USP13: variants seen among roughly 807,000 people sequenced by gnomAD.
The protein encoded by USP13 is ubiquitin specific peptidase 13.
Under a neutral mutation model 107.8 loss-of-function variants are expected in USP13, and 68 were observed. The ratio of observed to expected loss-of-function variants is 0.63; its 90% CI spans 0.52 to 0.77. The LOEUF (loss-of-function observed/expected upper bound fraction) is 0.77, where lower values mean the gene tolerates loss of function less well. USP13 is among the 30% of genes least tolerant of loss of function. The pLI is 0.00. For missense variants in USP13, 945 were observed against 1,093.3 expected (o/e 0.86, Z 1.91); for synonymous variants, 377 against 389.5 (o/e 0.97, Z 0.38).
rs74442431 is a variant in USP13 at position 179,767,426 on chromosome 3, TG to T, written c.2413+1580del. Among the ~76,000 whole-genome samples the T allele has an allele frequency of 1.3e-4, 19 of 148,762 alleles. 1 individual carries two copies. The highest frequency in any genetic ancestry group is 3.3e-4 in the Admixed American group (5 of 15,092). On this transcript the variant is annotated intron_variant, in intron 19 of 20. Coordinates refer to ENST00000263966, the MANE Select transcript of USP13 (RefSeq NM_003940.3). ...ACTGTAATGCATTGTTAGTTTTTTTTGGTTTTTTTTTTTTTTGAGACAGAGT... is the reference window on the plus strand; with the variant it reads ...ACTGTAATGCATTGTTAGTTTTTTTTGTTTTTTTTTTTTTTGAGACAGAGT...
chr3:179,781,320 A>G (rs1235891204), intron 19 of USP13, among the ~76,000 whole-genome samples: 1 of 152,154 alleles, frequency 6.6e-6, no homozygotes, highest in African/African-American at 2.4e-5. Flanking sequence ...AGTTTTATAC[A>G]ACCCTGCGAA....
At chr3:179,736,501 C>G (rs556802808) in intron 10 of USP13, among the ~76,000 whole-genome samples, 2 of 152,316 alleles carry the variant, frequency 1.3e-5, no homozygotes, top group South Asian at 2.1e-4. Context: ...CTAAGATGCT[C>G]TAACCCAGCT....
In USP13 at chr3:179,703,009, T is replaced by A. The variant is rs547567765; in HGVS notation, c.477+1880T>A. On this transcript the variant is annotated intron_variant, in intron 4 of 20. Transcript: ENST00000263966. Reference sequence around the variant, plus strand: ...AAAAAATTAATAAAAAAGCCTTTTCTTATTGTTGTACTTGGAGTATAATTT... The same window carrying A: ...AAAAAATTAATAAAAAAGCCTTTTCATATTGTTGTACTTGGAGTATAATTT... Among the ~76,000 whole-genome samples the A allele has an allele frequency of 5.9e-5, 9 of 152,340 alleles. 2 individuals carry two copies. The East Asian group carries it at 1.5e-3, about 26-fold the overall frequency.
chr3:179,662,514 G>A (rs180724934), intron 1 of USP13, among the ~76,000 whole-genome samples: 50 of 152,176 alleles, frequency 3.3e-4, no homozygotes, highest in Admixed American at 2.7e-3. Context: ...TTTACCTGCC[G>A]TCCAGCTTTC....
chr3:179,714,874 T>TC (rs1012937393), intron 6 of USP13, among the ~76,000 whole-genome samples: 3 of 150,158 alleles, frequency 2.0e-5, no homozygotes, highest in Non-Finnish European at 3.0e-5. Flanking sequence ...CTTTTTCTTT[T>TC]TTTTTTTTTT....
chr3:179,712,500 C>T (rs1407211874), intron 6 of USP13, among the ~76,000 whole-genome samples: 1 of 152,040 alleles, frequency 6.6e-6, no homozygotes, highest in African/African-American at 2.4e-5. Flanking sequence ...GCACACCCAC[C>T]TCACATTTTT....
chr3:179,662,404 T>A (rs1319035782), intron 1 of USP13, among the ~76,000 whole-genome samples: 1 of 151,992 alleles, frequency 6.6e-6, no homozygotes, highest in Admixed American at 6.6e-5. Context: ...AGTTCTGGAG[T>A]CTTTTGGGCA....
At chr3:179,679,808 T>G (rs749054582) in intron 1 of USP13, among the ~76,000 whole-genome samples, 7,653 of 148,090 alleles carry the variant, frequency 0.052, 253 homozygotes, top group South Asian at 0.076. Context: ...TTTTTTTTTT[T>G]TTTTTTTTTT....
chr3:179,689,899 C>T (rs965940837), intron 2 of USP13, among the ~76,000 whole-genome samples: 1 of 152,204 alleles, frequency 6.6e-6, no homozygotes, highest in Non-Finnish European at 1.5e-5. Flanking sequence ...GCCCCATCAT[C>T]TTTCCTGAGT....
intron 5 of USP13, among the ~76,000 whole-genome samples, chr3:179,707,354 A>T (rs1712760890): frequency 6.6e-6 from 1 of 152,074 alleles, no homozygotes; most frequent in South Asian, 2.1e-4. Context: ...GAAGCCAGTT[A>T]TGCCAGTGCA....
At chr3:179,775,446 A>G (rs1576994097) in intron 19 of USP13, among the ~76,000 whole-genome samples, 1 of 152,246 alleles carries the variant, frequency 6.6e-6, no homozygotes, top group South Asian at 2.1e-4. Flanking sequence ...CAGGAGCCCA[A>G]CTGGCTTTGC....
intron 20 of USP13, among the ~76,000 whole-genome samples, chr3:179,782,744 G>T (rs997279012): frequency 4.2e-4 from 64 of 152,186 alleles, no homozygotes; most frequent in African/African-American, 1.3e-3. Context: ...TTGAGCACAG[G>T]AATTTATCTC....
chr3:179,682,105 C>T lies in USP13; in HGVS notation c.294+102C>T, dbSNP rs1336370635. 5.6e-6 allele frequency: 8 copies of T among 1,431,282 alleles called. No homozygotes were observed. In the African/African-American group the frequency reaches 1.1e-4, roughly 21 times the overall value. 88.7% of individuals were successfully genotyped at this position (1,431,282 alleles called of 1,614,324 possible). A position where few individuals can be genotyped will look rare whatever the true frequency, so the allele number is the denominator to read the frequency against. ...AATTTGACCATGCCCACATAACTTCCGATTCCCTTTGACGATGAGAAACAA... is the reference window on the plus strand; with the variant it reads ...AATTTGACCATGCCCACATAACTTCTGATTCCCTTTGACGATGAGAAACAA... On this transcript the variant is annotated intron_variant, in intron 2 of 20. Coordinates refer to ENST00000263966, the MANE Select transcript of USP13 (RefSeq NM_003940.3).
chr3:179,695,770 T>C (rs1472091564), intron 3 of USP13, among the ~76,000 whole-genome samples: 2 of 152,188 alleles, frequency 1.3e-5, no homozygotes, highest in African/African-American at 4.8e-5. Flanking sequence ...TGTGTACATC[T>C]TTGTATATAT....
chr3:179,734,532 C>T (rs764106167), intron 10 of USP13, among the ~76,000 whole-genome samples: 1 of 152,210 alleles, frequency 6.6e-6, no homozygotes, highest in African/African-American at 2.4e-5. Context: ...TTTTCATCAA[C>T]GTGAGATAAC....
At chr3:179,759,484 A>C (rs1402257439) in intron 16 of USP13, among the ~76,000 whole-genome samples, 1 of 152,166 alleles carries the variant, frequency 6.6e-6, no homozygotes, top group African/African-American at 2.4e-5. Context: ...TAAGGAGAGG[A>C]TAGACTATGT....
At position 179,787,807 on chromosome 3, in the gene USP13, G is replaced by T. The variant is rs548587478; in HGVS notation, c.*3666G>T. The T allele has an allele frequency of 4.7e-4, 71 of 152,252 alleles. No individual in the cohort carries two copies. The highest frequency in any genetic ancestry group is 1.7e-3 in the African/African-American group (70 of 41,512). The allele number at this position is 152,252 out of a possible 1,614,324, so 9.4% of individuals were successfully genotyped here. On this transcript the variant is annotated 3_prime_UTR_variant, in exon 21 of 21. Transcript: ENST00000263966. ...AGTAGAGACAGGGTTTTGCCATGTT[G>T]GCCAGGCTGGTCTTGAACTCTTGAC...
chr3:179,722,612 C>G (rs1713365844), intron 8 of USP13, among the ~76,000 whole-genome samples: 1 of 152,116 alleles, frequency 6.6e-6, no homozygotes, highest in African/African-American at 2.4e-5. Context: ...TTCATCACCT[C>G]AAGCATTTGT....
Position 179,721,590 on chromosome 3 carries a change from G to C in USP13, c.1088+1G>C, listed in dbSNP as rs1353439636. The stretch of plus-strand genomic sequence containing the variant: ...TCAGCATCCCAGAATTCCAGAGAGC[G>C]TAAGTGCCTTCCATGCAGACCAGGG... On this transcript the variant is annotated splice_donor_variant, in intron 8 of 20. Coordinates refer to ENST00000263966, the MANE Select transcript of USP13 (RefSeq NM_003940.3). LOFTEE classifies it high-confidence loss of function. The surrounding 1 kb of genome is among the most constrained non-coding windows in gnomAD (Gnocchi z 4.3). The C allele has an allele frequency of 6.2e-7, 1 of 1,612,902 alleles. No homozygotes were observed. Among genetic ancestry groups the C allele is most frequent in the Non-Finnish European group, 8.5e-7 (1 of 1,179,932 alleles).
Sources: gnomAD v4.1 joint callset for allele counts (sites outside exome capture counted in the v4.1 genomes callset) on GRCh38, gnomAD v4.1.1 for gene constraint, Gnocchi (gnomAD v3.1) non-coding constraint, MANE v1.5 for transcripts, NCBI Gene and HGNC (gene_info 2026-07-23, HGNC 2026-07-21) for gene names.